CA1: variants seen among roughly 807,000 people sequenced by gnomAD.
CA1 encodes carbonate dehydratase I.
A neutral mutation model predicts 28.8 loss-of-function variants in CA1; 27 were observed. The observed-to-expected ratio is 0.94, with a 90% CI of 0.69 to 1.29. CA1 has a LOEUF of 1.29. CA1 is among the 50% of genes most tolerant of loss of function. The probability of loss-of-function intolerance (pLI) is 0.00; values close to 1 mark genes in which losing one functional copy is unlikely to be tolerated. For missense variants in CA1, 335 were observed against 310.5 expected (o/e 1.08, Z -0.59); for synonymous variants, 121 against 108.8 (o/e 1.11, Z -0.70).
intron 1 of CA1, among the ~76,000 whole-genome samples, chr8:85,372,750 G>A (rs1810273564): frequency 6.6e-6 from 1 of 152,196 alleles, no homozygotes; most frequent in South Asian, 2.1e-4. Flanking sequence ...GCCATTCTGA[G>A]TAGTGTGATG....
chr8:85,359,805 A>G (rs1046861368), intron 1 of CA1, among the ~76,000 whole-genome samples: 1 of 152,198 alleles, frequency 6.6e-6, no homozygotes, highest in African/African-American at 2.4e-5. Context: ...GTGGGCATGT[A>G]TCTTATCTCT....
intron 1 of CA1, among the ~76,000 whole-genome samples, chr8:85,365,323 T>C (rs1564047181): frequency 6.6e-6 from 1 of 152,272 alleles, no homozygotes; most frequent in East Asian, 1.9e-4. Flanking sequence ...AATCTAGAAG[T>C]AGGTAGCTCC....
chr8:85,338,230 T>C, intron 3 of CA1, 22 bp downstream of exon 3: 5 of 1,595,768 alleles, frequency 3.1e-6, no homozygotes, highest in Non-Finnish European at 4.3e-6. Context: ...GAAAAAAATA[T>C]CAGAAGGGTC....
At chr8:85,372,872 T>C (rs758883840) in intron 1 of CA1, among the ~76,000 whole-genome samples, 1 of 152,158 alleles carries the variant, frequency 6.6e-6, no homozygotes, top group Non-Finnish European at 1.5e-5. Flanking sequence ...GTCTTCTCAG[T>C]TATCAGATTT....
chr8:85,340,775 T>C (rs189558685), intron 2 of CA1, among the ~76,000 whole-genome samples: 12 of 152,282 alleles, frequency 7.9e-5, no homozygotes, highest in African/African-American at 2.6e-4. Context: ...ACTTTGAGCC[T>C]TCCCAACCTT....
intron 1 of CA1, among the ~76,000 whole-genome samples, chr8:85,367,370 C>T (rs530251327): frequency 3.2e-4 from 48 of 151,826 alleles, no homozygotes; most frequent in Non-Finnish European, 6.0e-4. Flanking sequence ...TGATTATACT[C>T]CTAAGAGGAA....
intron 1 of CA1, among the ~76,000 whole-genome samples, chr8:85,350,881 A>G (rs1180761626): frequency 6.6e-6 from 1 of 152,130 alleles, no homozygotes; most frequent in Non-Finnish European, 1.5e-5. Flanking sequence ...ATTCTTGGCA[A>G]TGTTCTCAAT....
chr8:85,377,455 T>C, intron 1 of CA1, among the ~76,000 whole-genome samples: 1 of 152,348 alleles, frequency 6.6e-6, no homozygotes, highest in Non-Finnish European at 1.5e-5. Context: ...AATTGCATTA[T>C]TTGTTTAGGG....
At chr8:85,344,224 ATACAG>A (rs1809058528) in intron 1 of CA1, among the ~76,000 whole-genome samples, 1 of 62,630 alleles carries the variant, frequency 1.6e-5, no homozygotes, top group Non-Finnish European at 2.8e-5. Flanking sequence ...ATTATATTAT[ATACAG>A]TATATAATAT....
At chr8:85,363,877 G>A (rs188555767) in intron 1 of CA1, among the ~76,000 whole-genome samples, 1 of 152,288 alleles carries the variant, frequency 6.6e-6, no homozygotes, top group Admixed American at 6.5e-5. Flanking sequence ...CACCTAGCAG[G>A]CAAGGGCCTC....
At chr8:85,336,381 T>A (rs899776492) in intron 4 of CA1, among the ~76,000 whole-genome samples, 1 of 152,182 alleles carries the variant, frequency 6.6e-6, no homozygotes, top group Non-Finnish European at 1.5e-5. Flanking sequence ...TGTACATGTC[T>A]CCATTTTTCT....
chr8:85,372,991 G>C (rs977974295), intron 1 of CA1, among the ~76,000 whole-genome samples: 1 of 152,214 alleles, frequency 6.6e-6, no homozygotes, highest in African/African-American at 2.4e-5. Flanking sequence ...CCAAAGAGAA[G>C]CCATCAGTCC....
Position 85,333,579 on chromosome 8 carries a change from A to G in CA1, c.396T>C (p.Leu132=), listed in dbSNP as rs2130145352. The change falls in exon 5 of 8, where the codon CTT becomes CTC. Residue 132 remains leucine, a synonymous_variant. Coordinates refer to ENST00000523022, the MANE Select transcript of CA1 (RefSeq NM_001128831.4). ...CATCAGCCTTTGAGGCAGCTTCAGC[A>G]AGGCTGGAGTACTTTGCAGAATTCC... The part of the protein sequence containing the change: ...AHWNSAKYSS[L]AEAASKADGL... The G allele has an allele frequency of 6.2e-7, 1 of 1,612,994 alleles. No individual in the cohort carries two copies. The highest frequency in any genetic ancestry group is 8.5e-7 in the Non-Finnish European group (1 of 1,179,246).
intron 1 of CA1, among the ~76,000 whole-genome samples, chr8:85,361,847 C>A (rs1324002465): frequency 2.0e-5 from 3 of 152,202 alleles, no homozygotes; most frequent in Non-Finnish European, 4.4e-5. Flanking sequence ...CTACTATCAT[C>A]TGAAGGTACC....
intron 1 of CA1, among the ~76,000 whole-genome samples, chr8:85,352,301 A>G (rs184849475): frequency 9.8e-4 from 149 of 152,306 alleles, no homozygotes; most frequent in African/African-American, 3.4e-3. Context: ...ACATGTTACA[A>G]GTGGCACTTG....
rs141945543 is a variant in CA1, at chr8:85,328,631, C to T, written c.715G>A (p.Ala239Thr). 1.8e-5 allele frequency: 29 copies of T among 1,610,912 alleles called. No individual in the cohort carries two copies. Among genetic ancestry groups the T allele is most frequent in the African/African-American group, 1.1e-4 (8 of 74,806 alleles). ...SLLSNVEGDN[A>T]VPMQHNNRPT... ...CGGTTGTTGTGCTGCATGGGGACAG[C>T]GTTATCACCTTCAACATTTGATAGA... The change falls in exon 8 of 8, where the codon GCT becomes ACT. Residue 239 changes from alanine (A) to threonine (T), a missense_variant. Transcript: ENST00000523022.
chr8:85,331,649 G>T (rs1808408826), intron 6 of CA1, among the ~76,000 whole-genome samples: 2 of 151,870 alleles, frequency 1.3e-5, no homozygotes, highest in African/African-American at 4.8e-5. Flanking sequence ...GTAGAGATGG[G>T]ATTTCACTAT....
intron 1 of CA1, among the ~76,000 whole-genome samples, chr8:85,361,128 C>T (rs536580506): frequency 2.0e-4 from 31 of 152,160 alleles, no homozygotes; most frequent in South Asian, 4.1e-4. Context: ...AACTCTGAGG[C>T]TCAGGCCACT....
chr8:85,337,906 AT>A, intron 3 of CA1: 1 of 381,486 alleles, frequency 2.6e-6, no homozygotes. Context: ...ATTAGAAAAT[AT>A]TTTTCTTTTT....
Sources: allele counts gnomAD v4.1 joint callset (sites outside exome capture counted in the v4.1 genomes callset), GRCh38; gene constraint gnomAD v4.1.1; transcripts MANE v1.5; gene names NCBI Gene and HGNC (gene_info 2026-07-23, HGNC 2026-07-21).